Variants in KLF17 observed in about 807,000 individuals in gnomAD.
KLF17 encodes the protein Krueppel-like factor 17.
KLF17 carries 31 observed loss-of-function variants against 34.2 expected under a neutral mutation model. The observed-to-expected ratio is 0.91, with a 90% CI of 0.68 to 1.22. The LOEUF (loss-of-function observed/expected upper bound fraction) is 1.22, where lower values mean the gene tolerates loss of function less well. KLF17 is among the 50% of genes most tolerant of loss of function. The pLI is 0.00. For missense variants in KLF17, 478 were observed against 505.2 expected, an observed-to-expected ratio of 0.95 and a Z score of 0.52; for synonymous variants, 179 against 186.7, an observed-to-expected ratio of 0.96 and a Z score of 0.34.
At chr1:44,096,546 C>T in the KLF17 span, among the ~76,000 whole-genome samples, 1 of 151,694 alleles carries the variant, frequency 6.6e-6, no homozygotes, top group Non-Finnish European at 1.5e-5. Context: ...CTACAGGCGC[C>T]CACCACCACG....
At chr1:44,080,874 G>A in the KLF17 span, among the ~76,000 whole-genome samples, 4 of 151,238 alleles carry the variant, frequency 2.6e-5, no homozygotes, top group Non-Finnish European at 4.4e-5. Flanking sequence ...GCCACCATGC[G>A]TGGCTAATTT....
chr1:44,063,377 A>G, the KLF17 span, among the ~76,000 whole-genome samples: 1 of 152,254 alleles, frequency 6.6e-6, no homozygotes, highest in Admixed American at 6.5e-5. Context: ...ATACCCCAAT[A>G]AAATGGAAAA....
chr1:44,063,919 C>A, the KLF17 span, among the ~76,000 whole-genome samples: 1 of 152,114 alleles, frequency 6.6e-6, no homozygotes, highest in South Asian at 2.1e-4. Flanking sequence ...GAAGCCAGAG[C>A]CAACTCTGGA....
At chr1:44,127,678 C>CTT (rs1164068033) in intron 1 of KLF17, among the ~76,000 whole-genome samples, 538 of 38,590 alleles carry the variant, frequency 0.014, 3 homozygotes, top group East Asian at 0.028. Flanking sequence ...TTCTTTCTTT[C>CTT]TTTCTTTCTT....
chr1:44,114,914 A>G (rs1394117348), upstream of KLF17: 8 of 152,194 alleles, frequency 5.3e-5, no homozygotes. Flanking sequence ...ATTGCATTCT[A>G]TGTGGAAGTT....
the KLF17 span, chr1:44,048,007 TG>T: frequency 8.9e-6 from 1 of 112,488 alleles, no homozygotes; most frequent in African/African-American, 4.1e-5. Context: ...TGTGTATGTG[TG>T]TGTGTGTGTG....
intron 1 of KLF17, among the ~76,000 whole-genome samples, chr1:44,124,293 A>C (rs1023555361): frequency 2.6e-5 from 4 of 151,550 alleles, no homozygotes. Context: ...TTTGTAGTGA[A>C]AATACATTTC....
At chr1:44,124,453 TG>T (rs1203441321) in intron 1 of KLF17, among the ~76,000 whole-genome samples, 1 of 150,400 alleles carries the variant, frequency 6.6e-6, no homozygotes, top group Non-Finnish European at 1.5e-5. Flanking sequence ...CCTCAGCCTC[TG>T]AGTAGCTAGG....
At chr1:44,044,963 T>G in the KLF17 span, 1 of 152,146 alleles carries the variant, frequency 6.6e-6, no homozygotes, top group African/African-American at 2.4e-5. Context: ...TGATGTCATG[T>G]CAGTTTAATG....
chr1:44,118,400 A>G (rs1354808836), upstream of KLF17, among the ~76,000 whole-genome samples: 1 of 152,184 alleles, frequency 6.6e-6, no homozygotes, highest in Non-Finnish European at 1.5e-5. Flanking sequence ...AGACTGTAGC[A>G]GAAAAGCTCC....
At chr1:44,072,618 C>T in the KLF17 span, among the ~76,000 whole-genome samples, 10 of 152,084 alleles carry the variant, frequency 6.6e-5, no homozygotes, top group Admixed American at 3.3e-4. Context: ...AGAGGATGCC[C>T]GGGAGTTCCA....
the KLF17 span, among the ~76,000 whole-genome samples, chr1:44,068,453 G>C: frequency 0.13 from 19,751 of 152,264 alleles, 1,503 homozygotes; most frequent in African/African-American, 0.21. Flanking sequence ...CTGGGGCAGG[G>C]CCCTCCAGTT....
chr1:44,051,644 C>T, the KLF17 span: 3 of 152,270 alleles, frequency 2.0e-5, no homozygotes, highest in African/African-American at 7.2e-5. Flanking sequence ...ATTGTTTCCC[C>T]TCTGACTCCA....
the KLF17 span, chr1:44,104,140 A>G: frequency 9.6e-7 from 1 of 1,046,462 alleles, no homozygotes; most frequent in Non-Finnish European, 1.5e-6. Flanking sequence ...TCCAGGCCAG[A>G]CTCCAGCTCT....
At chr1:44,070,590 CTTTT>C in the KLF17 span, among the ~76,000 whole-genome samples, 6,895 of 77,412 alleles carry the variant, frequency 0.089, 86 homozygotes, top group Non-Finnish European at 0.11. Flanking sequence ...TTTCCCTTGT[CTTTT>C]TTTTTTTTTT....
At chr1:44,082,997 AGTG>A in the KLF17 span, among the ~76,000 whole-genome samples, 1 of 146,068 alleles carries the variant, frequency 6.8e-6, no homozygotes, top group Non-Finnish European at 1.5e-5. Flanking sequence ...GTTGGAGTGC[AGTG>A]GTGCCATCAT....
chr1:44,075,347 A>G, the KLF17 span, among the ~76,000 whole-genome samples: 1 of 152,192 alleles, frequency 6.6e-6, no homozygotes, highest in East Asian at 1.9e-4. Flanking sequence ...TAAGGAGGGC[A>G]CACATTTTTT....
the KLF17 span, among the ~76,000 whole-genome samples, chr1:44,099,749 G>A: frequency 2.3e-5 from 3 of 130,772 alleles, no homozygotes; most frequent in East Asian, 6.9e-4. Context: ...AGGTGGCGGA[G>A]GTTGTGGTTG....
At chr1:44,096,207 G>T in the KLF17 span, among the ~76,000 whole-genome samples, 4,204 of 152,088 alleles carry the variant, frequency 0.028, 62 homozygotes, top group South Asian at 0.037. Context: ...CTCACAAAGT[G>T]CTGGGATTAC....
Sources: gnomAD v4.1 joint callset for allele counts (sites outside exome capture counted in the v4.1 genomes callset) on GRCh38, gnomAD v4.1.1 for gene constraint, MANE v1.5 for transcripts, NCBI Gene and HGNC (gene_info 2026-07-23, HGNC 2026-07-21) for gene names.